ANKRD30B: variants seen among roughly 807,000 people sequenced by gnomAD.
The protein encoded by ANKRD30B is ankyrin repeat domain-containing protein 30B.
A neutral mutation model predicts 202.2 loss-of-function variants in ANKRD30B; 144 were observed. The ratio of observed to expected loss-of-function variants is 0.71; its 90% CI spans 0.62 to 0.82. The LOEUF (loss-of-function observed/expected upper bound fraction) is 0.82, where lower values mean the gene tolerates loss of function less well. Among genes scored for constraint, ANKRD30B ranks in the 40% least tolerant of loss-of-function variants. The probability of loss-of-function intolerance (pLI) is 0.00; values close to 1 mark genes in which losing one functional copy is unlikely to be tolerated. For missense variants in ANKRD30B, 1,487 were observed against 1,669.1 expected (o/e 0.89, Z 1.90); for synonymous variants, 508 against 561.3 (o/e 0.91, Z 1.34).
the ANKRD30B span, among the ~76,000 whole-genome samples, chr18:14,918,585 T>C: frequency 1.3e-5 from 2 of 152,070 alleles, no homozygotes; most frequent in African/African-American, 2.4e-5. Flanking sequence ...TATGTCTTCC[T>C]GAGGCCACTG....
At chr18:14,842,712 A>C (rs1398291119) in intron 37 of ANKRD30B, among the ~76,000 whole-genome samples, 185 bp from the exon 38 acceptor site, 1 of 152,234 alleles carries the variant, frequency 6.6e-6, no homozygotes, top group African/African-American at 2.4e-5. Context: ...CTAGATTCCT[A>C]GTTTCTTCAG....
At chr18:14,766,610 G>A (rs1187886603) in intron 7 of ANKRD30B, among the ~76,000 whole-genome samples, 1 of 151,942 alleles carries the variant, frequency 6.6e-6, no homozygotes, top group African/African-American at 2.4e-5. Context: ...ATTCATGTGG[G>A]ATATTTTCTG....
chr18:14,859,219 T>C (rs1290828355), downstream of ANKRD30B, among the ~76,000 whole-genome samples: 620 of 36,508 alleles, frequency 0.017, 1 homozygote, highest in Non-Finnish European at 0.023. Context: ...GATGGGCAGC[T>C]GGGCAAAGGC....
intron 8 of ANKRD30B, among the ~76,000 whole-genome samples, chr18:14,770,985 C>T (rs2143794847): frequency 6.6e-6 from 1 of 152,264 alleles, no homozygotes; most frequent in South Asian, 2.1e-4. Flanking sequence ...GTCCCCTCCC[C>T]TTTGTCTCTT....
intron 24 of ANKRD30B, among the ~76,000 whole-genome samples, chr18:14,808,007 T>G (rs1969627860): frequency 6.6e-6 from 1 of 151,116 alleles, no homozygotes; most frequent in African/African-American, 2.4e-5. Context: ...GCTGATAAAT[T>G]TAGAACATCC....
At chr18:14,913,749 G>A in the ANKRD30B span, among the ~76,000 whole-genome samples, 2,166 of 152,242 alleles carry the variant, frequency 0.014, 60 homozygotes, top group African/African-American at 0.05. Context: ...GATGGGGTGA[G>A]GGTTTGTCCA....
intron 16 of ANKRD30B, among the ~76,000 whole-genome samples, chr18:14,793,859 A>T (rs957688213): frequency 1.3e-5 from 2 of 151,464 alleles, no homozygotes; most frequent in African/African-American, 4.9e-5. Context: ...TCAACACTGC[A>T]CTCCAGCCTG....
chr18:14,782,461 A>G, intron 11 of ANKRD30B, 66 bp from the exon 12 acceptor site: 3 of 1,191,128 alleles, frequency 2.5e-6, no homozygotes, highest in East Asian at 2.7e-5. Flanking sequence ...AAATATTTTA[A>G]TTAGGAATTT....
intron 14 of ANKRD30B, among the ~76,000 whole-genome samples, chr18:14,786,358 G>T (rs1367096368): frequency 1.3e-5 from 2 of 152,086 alleles, no homozygotes; most frequent in African/African-American, 4.8e-5. Context: ...ATACATTTCT[G>T]ATGTTTCTCC....
chr18:14,783,859 T>C (rs752334357), intron 12 of ANKRD30B, among the ~76,000 whole-genome samples: 15 of 152,078 alleles, frequency 9.9e-5, no homozygotes, highest in Non-Finnish European at 2.1e-4. Flanking sequence ...TATTTAGTAT[T>C]ATGACCTAAG....
the ANKRD30B span, among the ~76,000 whole-genome samples, chr18:14,918,963 T>C: frequency 6.6e-6 from 1 of 152,220 alleles, no homozygotes; most frequent in Non-Finnish European, 1.5e-5. Flanking sequence ...CATTCCAGCT[T>C]CTGCCATGTG....
In ANKRD30B at chr18:14,775,263, A is replaced by G. The variant is rs187467213; in HGVS notation, c.1330-2722A>G. On this transcript the variant is annotated intron_variant, in intron 9 of 43. Transcript: ENST00000690538. Reference sequence around the variant, plus strand: ...GGATTAATTTTGAAGCCAGTGTAGAATAGTGCAAAAGAAAATAAGGCTTAG... The same window carrying G: ...GGATTAATTTTGAAGCCAGTGTAGAGTAGTGCAAAAGAAAATAAGGCTTAG... Among the ~76,000 whole-genome samples, 8 of 152,370 alleles carry G rather than the reference A, an allele frequency of 5.3e-5. No homozygotes were observed. In the East Asian group the frequency reaches 1.5e-3, roughly 29 times the overall value.
chr18:14,868,898 G>C, the ANKRD30B span, among the ~76,000 whole-genome samples: 1 of 152,112 alleles, frequency 6.6e-6, no homozygotes, highest in African/African-American at 2.4e-5. Flanking sequence ...TTGGTGTTCT[G>C]CTGCCTCCGT....
chr18:14,787,494 A>T (rs1968163704), intron 15 of ANKRD30B, among the ~76,000 whole-genome samples: 2 of 152,186 alleles, frequency 1.3e-5, no homozygotes, highest in African/African-American at 4.8e-5. Flanking sequence ...GACACTTTAA[A>T]CTACAGTATT....
At chr18:14,799,678 T>G (rs1423265130) in intron 22 of ANKRD30B, among the ~76,000 whole-genome samples, 1 of 152,240 alleles carries the variant, frequency 6.6e-6, no homozygotes, top group South Asian at 2.1e-4. Context: ...GAGGTGACAG[T>G]TGTGAGCATT....
At chr18:14,795,982 T>A (rs1278415366) in intron 16 of ANKRD30B, among the ~76,000 whole-genome samples, 1 of 152,104 alleles carries the variant, frequency 6.6e-6, no homozygotes. Flanking sequence ...TTGAAATATA[T>A]TTTGATTGTT....
chr18:14,748,401 C>A lies in ANKRD30B; in HGVS notation c.-19C>A. 6.8e-7 allele frequency: 1 copy of A among 1,461,080 alleles called. No individual in the cohort carries two copies. Among genetic ancestry groups the A allele is most frequent in the Non-Finnish European group, 9.1e-7 (1 of 1,103,332 alleles). 90.5% of individuals were successfully genotyped at this position (1,461,080 alleles called of 1,614,324 possible). A position where few individuals can be genotyped will look rare whatever the true frequency, so the allele number is the denominator to read the frequency against. ...GGCGAGCGGGAGGCGCGGGCTCTCT[C>A]TAGCAGGGGGCTGCAGCCATGAAGA... On this transcript the variant is annotated 5_prime_UTR_variant, in exon 1 of 44. Transcript: ENST00000690538.
intron 42 of ANKRD30B, 84 bp downstream of exon 42, chr18:14,852,504 A>ATG (rs1438111899): frequency 7.1e-7 from 1 of 1,400,126 alleles, no homozygotes; most frequent in East Asian, 2.5e-5. Context: ...TTGAATATAT[A>ATG]TATATATAAA....
the ANKRD30B span, among the ~76,000 whole-genome samples, chr18:14,936,261 C>T: frequency 6.6e-6 from 1 of 152,168 alleles, no homozygotes; most frequent in East Asian, 1.9e-4. Context: ...GGAGGTGTTT[C>T]CCATCCTTCA....
Sources: gnomAD v4.1 joint callset for allele counts (sites outside exome capture counted in the v4.1 genomes callset) on GRCh38, gnomAD v4.1.1 for gene constraint, MANE v1.5 for transcripts, NCBI Gene and HGNC (gene_info 2026-07-23, HGNC 2026-07-21) for gene names.